The following GRM5 variants were observed in gnomAD, a reference collection of about 807,000 sequenced individuals.
GRM5 encodes glutamate metabotropic receptor 5, also known as metabotropic glutamate receptor 5.
In GRM5, 19 loss-of-function variants were observed where a neutral mutation model predicts 83.1. The observed-to-expected ratio is 0.23, with a 90% CI of 0.16 to 0.34. The LOEUF is 0.34. GRM5 is among the 10% of genes least tolerant of loss of function. The pLI, the probability that GRM5 is intolerant of heterozygous loss-of-function variation, is 1.00. For synonymous variants in GRM5, 675 were observed against 633.6 expected (o/e 1.07, Z -0.98); for missense variants, 1,160 against 1,588.3 (o/e 0.73, Z 4.58).
chr11:88,506,627 C>T lies in GRM5; in HGVS notation c.*1965G>A, dbSNP rs769649462. 2.0e-5 allele frequency: 3 copies of T among 151,974 alleles called. No individual in the cohort carries two copies. Among genetic ancestry groups the T allele is most frequent in the South Asian group, 2.1e-4 (1 of 4,822 alleles). 9.4% of individuals were successfully genotyped at this position (151,974 alleles called of 1,614,324 possible). On this transcript the variant is annotated 3_prime_UTR_variant, in exon 10 of 10. Coordinates refer to ENST00000305447, the MANE Select transcript of GRM5 (RefSeq NM_001143831.3). ...ATTTTCAAATCTAGCATGGGAGGTT[C>T]GATTTCTTTTAAATTAATACTTTAG...
At position 88,506,088 on chromosome 11, in the gene GRM5, G is replaced by A. The variant is rs1391602849; in HGVS notation, c.*2504C>T. 1 of 152,138 alleles carries A rather than the reference G, an allele frequency of 6.6e-6. No homozygotes were observed. Among genetic ancestry groups the A allele is most frequent in the Non-Finnish European group, 1.5e-5 (1 of 68,012 alleles). 9.4% of individuals were successfully genotyped at this position (152,138 alleles called of 1,614,324 possible). ...AGAAATACAGAGAAAAATATATCTT[G>A]TCCTTTTCTAATTGGATAAATCATT... is the stretch of plus-strand genomic sequence containing the variant. On this transcript the variant is annotated 3_prime_UTR_variant, in exon 10 of 10. Coordinates refer to ENST00000305447, the MANE Select transcript of GRM5 (RefSeq NM_001143831.3).
chr11:88,871,980 C>A (rs1944775894), intron 2 of GRM5, among the ~76,000 whole-genome samples: 1 of 151,164 alleles, frequency 6.6e-6, no homozygotes, highest in Non-Finnish European at 1.5e-5. Flanking sequence ...GGAAAAAAAA[C>A]AGGCTGCTGA....
chr11:88,978,601 A>G (rs1044792111), intron 2 of GRM5, among the ~76,000 whole-genome samples: 2 of 151,416 alleles, frequency 1.3e-5, no homozygotes, highest in Non-Finnish European at 2.9e-5. Flanking sequence ...GTGGCTTACA[A>G]GGATAAGGGT....
intron 3 of GRM5, among the ~76,000 whole-genome samples, chr11:88,723,274 AC>A (rs1941590523): frequency 6.6e-6 from 1 of 151,854 alleles, no homozygotes; most frequent in African/African-American, 2.4e-5. Context: ...TATACCATTC[AC>A]CCACTGAAGG....
chr11:88,750,391 A>C (rs7115028), intron 3 of GRM5, among the ~76,000 whole-genome samples: 110,205 of 152,064 alleles, frequency 0.72, 40,364 homozygotes, highest in African/African-American at 0.75. Context: ...AGAGCTAACT[A>C]TCCTAAATAT....
At chr11:88,679,942 A>AT (rs869094654) in intron 3 of GRM5, among the ~76,000 whole-genome samples, 5 of 80 alleles carry the variant, frequency 0.062, no homozygotes, top group African/African-American at 0.11. Flanking sequence ...AAAAACAAAT[A>AT]GACAAAAACG....
At chr11:88,960,081 G>A (rs1938737617) in intron 2 of GRM5, among the ~76,000 whole-genome samples, 1 of 152,180 alleles carries the variant, frequency 6.6e-6, no homozygotes, top group Non-Finnish European at 1.5e-5. Context: ...ACTGCACTTG[G>A]AAAGGATCTG....
chr11:88,774,646 GT>G (rs2135453976), intron 3 of GRM5, among the ~76,000 whole-genome samples: 1 of 152,320 alleles, frequency 6.6e-6, no homozygotes, highest in African/African-American at 2.4e-5. Context: ...TTTACTGAGA[GT>G]TTTTAGCCTG....
chr11:88,694,609 C>CA (rs1170507617), intron 3 of GRM5, among the ~76,000 whole-genome samples: 1 of 150,868 alleles, frequency 6.6e-6, no homozygotes, highest in East Asian at 1.9e-4. Context: ...TAAACTGAAC[C>CA]AAAAAATGAT....
At chr11:88,803,363 G>A (rs1430871709) in intron 3 of GRM5, among the ~76,000 whole-genome samples, 1 of 152,008 alleles carries the variant, frequency 6.6e-6, no homozygotes. Flanking sequence ...ACAGAACAGA[G>A]CCCTCAGAAA....
At chr11:88,933,274 A>G (rs948540311) in intron 2 of GRM5, among the ~76,000 whole-genome samples, 1 of 138,024 alleles carries the variant, frequency 7.2e-6, no homozygotes, top group African/African-American at 2.7e-5. Flanking sequence ...GTAACATCTA[A>G]CTAAGTGCAG....
At chr11:88,618,301 A>T (rs1938538545) in intron 4 of GRM5, among the ~76,000 whole-genome samples, 1 of 152,204 alleles carries the variant, frequency 6.6e-6, no homozygotes, top group Non-Finnish European at 1.5e-5. Context: ...ACTGTATACA[A>T]TTATTTGGAA....
chr11:88,830,406 AAAAAC>A (rs1943968149), intron 3 of GRM5, among the ~76,000 whole-genome samples: 2 of 152,224 alleles, frequency 1.3e-5, no homozygotes, highest in South Asian at 4.1e-4. Context: ...TCCGCAAAAC[AAAAAC>A]AAAAGTAAAA....
chr11:88,688,295 C>T (rs1940696580), intron 3 of GRM5, among the ~76,000 whole-genome samples: 1 of 152,154 alleles, frequency 6.6e-6, no homozygotes, highest in African/African-American at 2.4e-5. Flanking sequence ...TATATAATCT[C>T]TTTCAATTTT....
intron 3 of GRM5, among the ~76,000 whole-genome samples, chr11:88,741,083 A>C (rs978859629): frequency 2.6e-5 from 4 of 152,084 alleles, no homozygotes; most frequent in Non-Finnish European, 5.9e-5. Context: ...GAAGGCAGAC[A>C]AAGAGTTGGG....
At chr11:88,696,615 C>G (rs1295571632) in intron 3 of GRM5, among the ~76,000 whole-genome samples, 3 of 152,152 alleles carry the variant, frequency 2.0e-5, no homozygotes, top group Non-Finnish European at 2.9e-5. Flanking sequence ...CACCTGGATT[C>G]CGACATTTGA....
chr11:88,715,443 A>G (rs201562081), intron 3 of GRM5, among the ~76,000 whole-genome samples: 1 of 147,302 alleles, frequency 6.8e-6, no homozygotes, highest in East Asian at 2.0e-4. Flanking sequence ...GAAAAAAAAA[A>G]CTATATAATT....
intron 2 of GRM5, among the ~76,000 whole-genome samples, chr11:88,981,481 A>T (rs1304973207): frequency 1.3e-5 from 2 of 152,164 alleles, no homozygotes; most frequent in Non-Finnish European, 1.5e-5. Context: ...TGTGATCTTT[A>T]TGCTATTTAC....
intron 3 of GRM5, among the ~76,000 whole-genome samples, chr11:88,809,046 A>G (rs1943544240): frequency 6.6e-6 from 1 of 152,036 alleles, no homozygotes; most frequent in Non-Finnish European, 1.5e-5. Flanking sequence ...GGAGACTGTT[A>G]ATTAGTTTAA....
Sources: gnomAD v4.1 joint callset for allele counts (sites outside exome capture counted in the v4.1 genomes callset) on GRCh38, gnomAD v4.1.1 for gene constraint, MANE v1.5 for transcripts, NCBI Gene and HGNC (gene_info 2026-07-23, HGNC 2026-07-21) for gene names.